The following PPM1H variants were observed in gnomAD, a reference collection of about 807,000 sequenced individuals.
The protein encoded by PPM1H is protein phosphatase 1H.
A neutral mutation model predicts 54.9 loss-of-function variants in PPM1H; 27 were observed. The observed-to-expected ratio is 0.49, with a 90% CI of 0.36 to 0.68. The LOEUF is 0.68. PPM1H is among the 30% of genes least tolerant of loss of function. PPM1H has a pLI of 0.00. For synonymous variants in PPM1H, 305 were observed against 270.8 expected, an observed-to-expected ratio of 1.13 and a Z score of -1.24; for missense variants, 596 against 667.8, an observed-to-expected ratio of 0.89 and a Z score of 1.19.
At chr12:62,778,690 C>T (rs1399070715) in intron 4 of PPM1H, among the ~76,000 whole-genome samples, 1 of 152,140 alleles carries the variant, frequency 6.6e-6, no homozygotes, top group African/African-American at 2.4e-5. Context: ...ATGGTTCATG[C>T]CTATAATCCT....
At position 62,897,675 on chromosome 12, in the gene PPM1H, A is replaced by C. The variant is rs188939450; in HGVS notation, c.245+36817T>G. Among the ~76,000 whole-genome samples, 565 of 152,232 alleles carry C rather than the reference A, an allele frequency of 3.7e-3. 2 individuals carry two copies. Among genetic ancestry groups the C allele is most frequent in the Non-Finnish European group, 5.0e-3 (343 of 68,018 alleles). On this transcript the variant is annotated intron_variant, in intron 1 of 9. Coordinates refer to ENST00000228705, the MANE Select transcript of PPM1H (RefSeq NM_020700.2). ...CCAATGAAGGACACCCAGCCTTGGC[A>C]TGGCAATCTACCTATGACTTTGTGG...
chr12:62,671,460 C>T (rs146513432), intron 8 of PPM1H, among the ~76,000 whole-genome samples: 25 of 152,286 alleles, frequency 1.6e-4, no homozygotes, highest in East Asian at 1.3e-3. Context: ...GCCTTCAGTA[C>T]GCTTTTATTG....
intron 4 of PPM1H, among the ~76,000 whole-genome samples, chr12:62,756,528 GTATTTTGTATATT>G (rs2076477079): frequency 6.6e-6 from 1 of 151,884 alleles, no homozygotes; most frequent in African/African-American, 2.4e-5. Context: ...GTACATGAAC[GTATTTTGTATATT>G]TATAAATATA....
chr12:62,770,874 A>C (rs2076575171), intron 4 of PPM1H, among the ~76,000 whole-genome samples: 1 of 152,076 alleles, frequency 6.6e-6, no homozygotes, highest in African/African-American at 2.4e-5. Context: ...CTGGGATACC[A>C]CTGGAAAAGA....
chr12:62,818,702 AC>A (rs1195925712), intron 2 of PPM1H, among the ~76,000 whole-genome samples: 1 of 152,090 alleles, frequency 6.6e-6, no homozygotes, highest in Non-Finnish European at 1.5e-5. Flanking sequence ...ACATTAAGCT[AC>A]CCAAAAATGA....
chr12:62,787,279 G>A (rs2076677916), intron 4 of PPM1H, among the ~76,000 whole-genome samples: 1 of 152,140 alleles, frequency 6.6e-6, no homozygotes, highest in Non-Finnish European at 1.5e-5. Flanking sequence ...GAGCCCACAA[G>A]AGCCATGTGA....
intron 4 of PPM1H, among the ~76,000 whole-genome samples, chr12:62,748,065 T>C (rs2076422301): frequency 6.6e-6 from 1 of 152,116 alleles, no homozygotes; most frequent in African/African-American, 2.4e-5. Flanking sequence ...CCAATTTCTA[T>C]GGAGTAAAAG....
intron 4 of PPM1H, among the ~76,000 whole-genome samples, chr12:62,766,548 TA>T (rs1381482519): frequency 6.7e-6 from 1 of 148,448 alleles, no homozygotes; most frequent in Admixed American, 6.7e-5. Flanking sequence ...CAAAATGAAT[TA>T]AAAAAAGCCA....
chr12:62,890,598 G>T (rs905548653), intron 1 of PPM1H, among the ~76,000 whole-genome samples: 1 of 151,964 alleles, frequency 6.6e-6, no homozygotes, highest in African/African-American at 2.4e-5. Context: ...AGCCCCGAAA[G>T]GTAAACAGCT....
In PPM1H at chr12:62,686,041, T is replaced by C. The variant is rs115031215; in HGVS notation, c.1245+3658A>G. Among the ~76,000 whole-genome samples the C allele has an allele frequency of 9.7e-3, 1,476 of 152,320 alleles. 27 individuals are homozygous for C. Among genetic ancestry groups the C allele is most frequent in the African/African-American group, 0.034 (1,397 of 41,572 alleles). On this transcript the variant is annotated intron_variant, in intron 8 of 9. Coordinates refer to ENST00000228705, the MANE Select transcript of PPM1H (RefSeq NM_020700.2). ...TAAATTTTTGCAGAGGTTGACAGTT[T>C]CATTCTAAATCCTCTCCACTCCCAC...
chr12:62,872,682 G>T (rs981340672), intron 1 of PPM1H, among the ~76,000 whole-genome samples: 1 of 152,108 alleles, frequency 6.6e-6, no homozygotes, highest in Admixed American at 6.5e-5. Context: ...TCTTTTGCTG[G>T]CAAATGTTGA....
rs1468124278 is a variant in PPM1H at position 62,644,559 on chromosome 12, C to T, written c.*3930G>A. On this transcript the variant is annotated 3_prime_UTR_variant, in exon 10 of 10. Coordinates refer to ENST00000228705, the MANE Select transcript of PPM1H (RefSeq NM_020700.2). ...ATTTACACAGATAACACTGTGGATT[C>T]GAAAGAGCAGTCCTCTGCAGACCGG... 1 of 152,212 alleles carries T rather than the reference C, an allele frequency of 6.6e-6. No homozygotes were observed. Among genetic ancestry groups the T allele is most frequent in the Non-Finnish European group, 1.5e-5 (1 of 68,050 alleles). The allele number at this position is 152,212 out of a possible 1,614,324, so 9.4% of individuals were successfully genotyped here. A position where few individuals can be genotyped will look rare whatever the true frequency, so the allele number is the denominator to read the frequency against.
At chr12:62,760,717 C>T (rs1356293398) in intron 4 of PPM1H, among the ~76,000 whole-genome samples, 1 of 152,242 alleles carries the variant, frequency 6.6e-6, no homozygotes, top group Non-Finnish European at 1.5e-5. Flanking sequence ...ATATCTAACT[C>T]TGTCCTACAA....
chr12:62,776,274 C>G (rs940775943), intron 4 of PPM1H, among the ~76,000 whole-genome samples: 9 of 152,270 alleles, frequency 5.9e-5, no homozygotes, highest in African/African-American at 2.2e-4. Context: ...AGACCTTACT[C>G]TAAGACTCTA....
intron 1 of PPM1H, among the ~76,000 whole-genome samples, chr12:62,887,136 C>A (rs774836896): frequency 6.6e-6 from 1 of 152,058 alleles, no homozygotes; most frequent in African/African-American, 2.4e-5. Context: ...TGTTTCTCAC[C>A]GGCTGAGACA....
intron 1 of PPM1H, among the ~76,000 whole-genome samples, chr12:62,853,058 G>T (rs192276644): frequency 2.0e-5 from 3 of 152,102 alleles, no homozygotes; most frequent in Admixed American, 1.3e-4. Context: ...TAATAAAAAG[G>T]CCATAAAAAG....
chr12:62,661,113 C>T (rs2075880523), intron 9 of PPM1H, among the ~76,000 whole-genome samples: 1 of 152,170 alleles, frequency 6.6e-6, no homozygotes, highest in African/African-American at 2.4e-5. Flanking sequence ...GCCACACTGA[C>T]TGTTGGGTCC....
intron 8 of PPM1H, among the ~76,000 whole-genome samples, chr12:62,687,852 T>C (rs974771360): frequency 1.3e-5 from 2 of 151,606 alleles, no homozygotes; most frequent in African/African-American, 4.8e-5. Context: ...CCACTAAAAA[T>C]ACAAAAATTA....
At chr12:62,858,081 C>T (rs1015591163) in intron 1 of PPM1H, among the ~76,000 whole-genome samples, 5 of 149,550 alleles carry the variant, frequency 3.3e-5, no homozygotes, top group African/African-American at 1.3e-4. Context: ...CACCACCACC[C>T]CATCACCCCA....
Sources: gnomAD v4.1 joint callset for allele counts (sites outside exome capture counted in the v4.1 genomes callset) on GRCh38, gnomAD v4.1.1 for gene constraint, MANE v1.5 for transcripts, NCBI Gene and HGNC (gene_info 2026-07-23, HGNC 2026-07-21) for gene names.